The following FOXN3 variants were observed in gnomAD, a reference collection of about 807,000 sequenced individuals.
FOXN3 encodes forkhead box protein N3.
FOXN3 carries 7 observed loss-of-function variants against 38.4 expected under a neutral mutation model. The observed-to-expected ratio is 0.18, with a 90% CI of 0.10 to 0.34. The LOEUF (loss-of-function observed/expected upper bound fraction) is 0.34. FOXN3 is among the 10% of genes least tolerant of loss of function. The pLI, the probability that FOXN3 is intolerant of heterozygous loss-of-function variation, is 1.00. For missense variants in FOXN3, 456 were observed against 613.4 expected (o/e 0.74, Z 2.71); for synonymous variants, 230 against 242.2 (o/e 0.95, Z 0.47).
chr14:89,505,253 C>G (rs1212436319), intron 1 of FOXN3, among the ~76,000 whole-genome samples: 1 of 151,218 alleles, frequency 6.6e-6, no homozygotes, highest in Non-Finnish European at 1.5e-5. Flanking sequence ...GTCCCCTCTC[C>G]CTCTCCCTCT....
chr14:89,402,787 CTCTG>C (rs780774240), intron 2 of FOXN3, among the ~76,000 whole-genome samples: 1 of 152,204 alleles, frequency 6.6e-6, no homozygotes, highest in South Asian at 2.1e-4. Context: ...GAATGTGCGT[CTCTG>C]TCTAGCTCCT....
At chr14:89,487,775 C>T (rs1368709711) in intron 1 of FOXN3, among the ~76,000 whole-genome samples, 2 of 151,996 alleles carry the variant, frequency 1.3e-5, no homozygotes, top group South Asian at 2.1e-4. Flanking sequence ...ACTGGCAGAC[C>T]GTGTTATTTC....
chr14:89,333,988 A>ATCTATATATC (rs1888351588), intron 3 of FOXN3, among the ~76,000 whole-genome samples: 3 of 83,766 alleles, frequency 3.6e-5, no homozygotes, highest in African/African-American at 1.1e-4. Context: ...ATATATATAT[A>ATCTATATATC]TATATATATA....
intron 2 of FOXN3, chr14:89,399,921 C>T (rs952116058): frequency 2.6e-5 from 4 of 152,222 alleles, no homozygotes; most frequent in African/African-American, 9.7e-5. Flanking sequence ...TATGGAGACA[C>T]ATATACAAGA....
chr14:89,190,474 C>A, intron 4 of FOXN3: 1 of 1,597,320 alleles, frequency 6.3e-7, no homozygotes, highest in Non-Finnish European at 8.6e-7. Context: ...CAATAAATAA[C>A]ATTATTTACA....
intron 3 of FOXN3, among the ~76,000 whole-genome samples, chr14:89,319,954 G>A (rs185998498): frequency 5.3e-5 from 8 of 152,260 alleles, no homozygotes; most frequent in Non-Finnish European, 1.0e-4. Context: ...CAGTAAGAGC[G>A]GAAGCTCAAG....
chr14:89,219,746 C>T (rs879381262), intron 4 of FOXN3, among the ~76,000 whole-genome samples: 1 of 152,198 alleles, frequency 6.6e-6, no homozygotes, highest in Non-Finnish European at 1.5e-5. Context: ...CTTAGAACAG[C>T]GCCTGGTTTG....
chr14:89,424,264 T>A (rs1891976549), intron 1 of FOXN3, among the ~76,000 whole-genome samples: 5 of 152,178 alleles, frequency 3.3e-5, no homozygotes, highest in Admixed American at 3.3e-4. Flanking sequence ...TCAGAGACTG[T>A]ACGTGTGAAA....
At chr14:89,335,802 T>C (rs1888434371) in intron 3 of FOXN3, among the ~76,000 whole-genome samples, 1 of 152,178 alleles carries the variant, frequency 6.6e-6, no homozygotes, top group Admixed American at 6.5e-5. Flanking sequence ...CAACAATAAT[T>C]TTTTTTAAAA....
intron 1 of FOXN3, among the ~76,000 whole-genome samples, chr14:89,460,318 C>T (rs1295884893): frequency 6.6e-6 from 1 of 152,134 alleles, no homozygotes; most frequent in Non-Finnish European, 1.5e-5. Context: ...GGTGCTGTTT[C>T]ATCTGTGTGG....
At position 89,428,906 on chromosome 14, in the gene FOXN3, C is replaced by T. The variant is rs77799240; in HGVS notation, c.-14-16416G>A. 5.5e-3 allele frequency among the ~76,000 whole-genome samples: 836 copies of T among 152,284 alleles called. 29 individuals carry two copies. The highest frequency in any genetic ancestry group is 0.05 in the Admixed American group (757 of 15,290). ...CCAGGGAGTGAATGGCAGAGCTCTC[C>T]GGAGGCTGCCCAGGCCAGGTTCAAT... On this transcript the variant is annotated intron_variant, in intron 1 of 6. Transcript: ENST00000345097.
intron 4 of FOXN3, among the ~76,000 whole-genome samples, chr14:89,245,804 C>T (rs992423331): frequency 5.3e-5 from 8 of 152,164 alleles, no homozygotes; most frequent in African/African-American, 1.7e-4. Context: ...CCTGAGGACA[C>T]GCAGCCGGAG....
At position 89,291,231 on chromosome 14, in the gene FOXN3, T is replaced by A. The variant is rs150682968; in HGVS notation, c.681-10217A>T. On this transcript the variant is annotated intron_variant, in intron 3 of 5. Transcript: ENST00000557258. Reference sequence around the variant, plus strand: ...GACATCCGAGAGATGACTAAACATGTTACTCCCTCGGTTTCTCTCTTTGAA... The same window carrying A: ...GACATCCGAGAGATGACTAAACATGATACTCCCTCGGTTTCTCTCTTTGAA... The A allele has an allele frequency of 2.3e-5, 10 of 432,808 alleles. No individual in the cohort carries two copies. The East Asian group carries it at 5.7e-4, about 25-fold the overall frequency. 26.8% of individuals were successfully genotyped at this position (432,808 alleles called of 1,614,324 possible).
chr14:89,245,631 C>G (rs1885271132), intron 4 of FOXN3, among the ~76,000 whole-genome samples: 1 of 152,140 alleles, frequency 6.6e-6, no homozygotes, highest in South Asian at 2.1e-4. Flanking sequence ...GAGCCTGTTC[C>G]ATCCATCAGG....
chr14:89,175,760 C>T lies in FOXN3; in HGVS notation c.851+4941G>A, dbSNP rs190333455. ...CATCAGCTTTTTCCCAATCCTCCAG[C>T]GAGCCCTGGACATGTCATTCTTTTC... On this transcript the variant is annotated intron_variant, in intron 5 of 5. Transcript: ENST00000557258. 1.7e-3 allele frequency among the ~76,000 whole-genome samples: 265 copies of T among 152,242 alleles called. 1 individual carries two copies. Among genetic ancestry groups the T allele is most frequent in the African/African-American group, 6.0e-3 (250 of 41,524 alleles).
rs186795666 is a variant in FOXN3, at chr14:89,294,199, C to G, written c.681-13185G>C. Among the ~76,000 whole-genome samples the G allele has an allele frequency of 2.0e-5, 3 of 152,276 alleles. No homozygotes were observed. The East Asian group carries it at 5.8e-4, about 29-fold the overall frequency. On this transcript the variant is annotated intron_variant, in intron 3 of 5. Coordinates refer to ENST00000557258, the MANE Select transcript of FOXN3 (RefSeq NM_005197.4). ...TCCTAATAGGCCTCCCTGTCTCCAGCCTCTCTCCCCACAGCAGGCCGCCCT... is the reference window on the plus strand; with the variant it reads ...TCCTAATAGGCCTCCCTGTCTCCAGGCTCTCTCCCCACAGCAGGCCGCCCT...
intron 2 of FOXN3, among the ~76,000 whole-genome samples, chr14:89,360,674 G>A (rs1184246352): frequency 1.3e-5 from 2 of 151,302 alleles, no homozygotes; most frequent in African/African-American, 4.9e-5. Flanking sequence ...GTTCCCCCAT[G>A]TTTCCACAAA....
chr14:89,533,661 C>CAAAAAA (rs34194637), intron 1 of FOXN3, among the ~76,000 whole-genome samples: 6 of 65,916 alleles, frequency 9.1e-5, no homozygotes, highest in African/African-American at 1.2e-4. Flanking sequence ...GACTCTGTCT[C>CAAAAAA]AAAAAAAAAA....
At chr14:89,213,864 A>C (rs888084537) in intron 4 of FOXN3, among the ~76,000 whole-genome samples, 1 of 152,240 alleles carries the variant, frequency 6.6e-6, no homozygotes, top group Admixed American at 6.5e-5. Flanking sequence ...TATACCTAAT[A>C]ATTTATTAAG....
Sources: gnomAD v4.1 joint callset for allele counts (sites outside exome capture counted in the v4.1 genomes callset) on GRCh38, gnomAD v4.1.1 for gene constraint, MANE v1.5 for transcripts, NCBI Gene and HGNC (gene_info 2026-07-23, HGNC 2026-07-21) for gene names.